Variants in DAB1 observed in about 807,000 individuals in gnomAD.
DAB1 encodes the protein DAB adaptor protein 1, also known as disabled homolog 1.
In DAB1, 15 loss-of-function variants were observed where a neutral mutation model predicts 64.6. The observed-to-expected ratio is 0.23, with a 90% CI of 0.16 to 0.36. The LOEUF is 0.36. DAB1 is among the 10% of genes least tolerant of loss of function. The probability of loss-of-function intolerance (pLI) is 1.00; values close to 1 mark genes in which losing one functional copy is unlikely to be tolerated. For missense variants in DAB1, 596 were observed against 706.7 expected (o/e 0.84, Z 1.78); for synonymous variants, 235 against 251.9 (o/e 0.93, Z 0.64).
intron 7 of DAB1, among the ~76,000 whole-genome samples, chr1:57,611,258 TCAG>T (rs1645723346): frequency 6.6e-6 from 1 of 151,450 alleles, no homozygotes; most frequent in Admixed American, 6.6e-5. Flanking sequence ...ACTGCCCTGC[TCAG>T]CAGCAAGGTT....
At chr1:57,214,233 G>A (rs894178295) in intron 2 of DAB1, among the ~76,000 whole-genome samples, 1 of 152,174 alleles carries the variant, frequency 6.6e-6, no homozygotes, top group South Asian at 2.1e-4. Context: ...GTGGAACTAT[G>A]TAAAGCTTCT....
chr1:57,700,639 C>T (rs1184247014), intron 6 of DAB1, among the ~76,000 whole-genome samples: 1 of 152,112 alleles, frequency 6.6e-6, no homozygotes, highest in Non-Finnish European at 1.5e-5. Context: ...ATCTTTGAGA[C>T]TTTTATTTTT....
intron 1 of DAB1, among the ~76,000 whole-genome samples, chr1:57,318,316 G>A (rs1178874604): frequency 6.6e-6 from 1 of 152,070 alleles, no homozygotes; most frequent in African/African-American, 2.4e-5. Flanking sequence ...AAGAAAATTG[G>A]TTGTTTCTTT....
intron 5 of DAB1, among the ~76,000 whole-genome samples, chr1:58,095,677 AC>A (rs1650935396): frequency 6.6e-6 from 1 of 152,186 alleles, no homozygotes; most frequent in African/African-American, 2.4e-5. Context: ...TAAGTATCCC[AC>A]CCCGGACATG....
At chr1:58,422,273 T>A (rs1644779706) in intron 3 of DAB1, among the ~76,000 whole-genome samples, 1 of 151,926 alleles carries the variant, frequency 6.6e-6, no homozygotes, top group Non-Finnish European at 1.5e-5. Flanking sequence ...CTTGGAGTAC[T>A]TGGCACATAG....
intron 1 of DAB1, among the ~76,000 whole-genome samples, chr1:57,323,517 T>C (rs1675897874): frequency 6.6e-6 from 1 of 152,176 alleles, no homozygotes; most frequent in South Asian, 2.1e-4. Context: ...TTAATCACTT[T>C]TGGCCTGGAA....
intron 4 of DAB1, among the ~76,000 whole-genome samples, chr1:58,201,875 T>G (rs1025585948): frequency 4.6e-5 from 7 of 152,150 alleles, no homozygotes; most frequent in Admixed American, 3.3e-4. Flanking sequence ...GAGGAGTGAC[T>G]TGATGTACAG....
chr1:57,304,973 G>A (rs994363610), intron 1 of DAB1, among the ~76,000 whole-genome samples: 1 of 152,136 alleles, frequency 6.6e-6, no homozygotes, highest in African/African-American at 2.4e-5. Context: ...GACTGGGTTG[G>A]TCACAGACCC....
At chr1:58,082,612 T>C (rs1650064163) in intron 5 of DAB1, among the ~76,000 whole-genome samples, 2 of 152,058 alleles carry the variant, frequency 1.3e-5, no homozygotes, top group Admixed American at 6.6e-5. Flanking sequence ...CACAGGAAAC[T>C]TTCTGGAGGA....
At position 56,995,676 on chromosome 1, in the gene DAB1, C is replaced by G. The variant is rs887309129; in HGVS notation, c.*2468G>C. 6 of 152,184 alleles carry G rather than the reference C, an allele frequency of 3.9e-5. No individual in the cohort carries two copies. Among genetic ancestry groups the G allele is most frequent in the African/African-American group, 1.4e-4 (6 of 41,438 alleles). 9.4% of individuals were successfully genotyped at this position (152,184 alleles called of 1,614,324 possible). A position where few individuals can be genotyped will look rare whatever the true frequency, so the allele number is the denominator to read the frequency against. Reference sequence around the variant, plus strand: ...AAAGAATTGGTATAATGGTGTGATACTGCAAGACAAACTCAAGACAGCCAT... The same window carrying G: ...AAAGAATTGGTATAATGGTGTGATAGTGCAAGACAAACTCAAGACAGCCAT... On this transcript the variant is annotated 3_prime_UTR_variant, in exon 15 of 15. Coordinates refer to ENST00000371236, the MANE Select transcript of DAB1 (RefSeq NM_001365792.1).
chr1:57,403,453 G>A (rs550438556), intron 1 of DAB1, among the ~76,000 whole-genome samples: 24 of 152,298 alleles, frequency 1.6e-4, no homozygotes, highest in African/African-American at 5.3e-4. Flanking sequence ...ACTTGTTTAT[G>A]TGAGCCAGAA....
At chr1:57,922,118 T>G (rs1002977968) in intron 5 of DAB1, among the ~76,000 whole-genome samples, 6 of 152,234 alleles carry the variant, frequency 3.9e-5, no homozygotes, top group African/African-American at 1.4e-4. Context: ...CTCATTCTTC[T>G]AAATGGTAAT....
At chr1:58,545,376 G>A (rs1646684678) in intron 1 of DAB1, among the ~76,000 whole-genome samples, 6 of 152,154 alleles carry the variant, frequency 3.9e-5, no homozygotes, top group Admixed American at 3.9e-4. Flanking sequence ...TGACAACCAA[G>A]TGTCGTTTTG....
chr1:57,324,271 C>A (rs746815106), intron 1 of DAB1, among the ~76,000 whole-genome samples: 7 of 152,206 alleles, frequency 4.6e-5, no homozygotes, highest in Admixed American at 2.6e-4. Context: ...GGAATTCACA[C>A]TAAACTCAAT....
chr1:58,168,274 C>G (rs564060136), intron 4 of DAB1, among the ~76,000 whole-genome samples: 1 of 152,174 alleles, frequency 6.6e-6, no homozygotes, highest in East Asian at 1.9e-4. Flanking sequence ...TGGGCTGAGC[C>G]AAGGGTCGAC....
At chr1:57,683,150 C>T (rs1646656316) in intron 6 of DAB1, among the ~76,000 whole-genome samples, 1 of 152,164 alleles carries the variant, frequency 6.6e-6, no homozygotes, top group South Asian at 2.1e-4. Context: ...GAGGAGGAGC[C>T]CCTACTCTTA....
chr1:57,762,709 G>C (rs1264485009), intron 6 of DAB1, among the ~76,000 whole-genome samples: 1 of 152,064 alleles, frequency 6.6e-6, no homozygotes, highest in Non-Finnish European at 1.5e-5. Flanking sequence ...ACCAGAATTT[G>C]GGACTTCTGT....
At chr1:57,483,559 C>G (rs1483961816) in intron 7 of DAB1, among the ~76,000 whole-genome samples, 1 of 152,150 alleles carries the variant, frequency 6.6e-6, no homozygotes, top group African/African-American at 2.4e-5. Flanking sequence ...TTATCAGGAG[C>G]ATGAGAACAG....
At chr1:57,201,899 T>C (rs1020007958) in intron 2 of DAB1, among the ~76,000 whole-genome samples, 1 of 152,088 alleles carries the variant, frequency 6.6e-6, no homozygotes, top group South Asian at 2.1e-4. Flanking sequence ...TGCATGCATG[T>C]ATGCATGAAT....
Sources: gnomAD v4.1 joint callset for allele counts (sites outside exome capture counted in the v4.1 genomes callset) on GRCh38, gnomAD v4.1.1 for gene constraint, MANE v1.5 for transcripts, NCBI Gene and HGNC (gene_info 2026-07-23, HGNC 2026-07-21) for gene names.